C11orf65: variants seen among roughly 807,000 people sequenced by gnomAD.
C11orf65 encodes the protein protein MFI.
In C11orf65, 38 loss-of-function variants were observed where a neutral mutation model predicts 35.3. The observed-to-expected ratio is 1.08, with a 90% CI of 0.83 to 1.41. C11orf65 has a LOEUF of 1.41. Among genes scored for constraint, C11orf65 ranks in the 40% most tolerant of loss-of-function variants. The probability of loss-of-function intolerance (pLI) is 0.00; values close to 1 mark genes in which losing one functional copy is unlikely to be tolerated. For synonymous variants in C11orf65, 105 were observed against 114.4 expected, an observed-to-expected ratio of 0.92 and a Z score of 0.53; for missense variants, 370 against 367.1, an observed-to-expected ratio of 1.01 and a Z score of -0.06.
Position 108,325,352 on chromosome 11 carries a change from G to A in C11orf65, c.641-16281C>T, listed in dbSNP as rs1555119041. ...AACTCTCTGAAGTATATATTAAGTG[G>A]CAGAAACACTCCCAGCTTCTCAAGG... is the stretch of plus-strand genomic sequence containing the variant. On this transcript the variant is annotated intron_variant, in intron 6 of 6. Transcript: ENST00000525729. 6.2e-7 allele frequency: 1 copy of A among 1,612,050 alleles called. No homozygotes were observed. The highest frequency in any genetic ancestry group is 8.5e-7 in the Non-Finnish European group (1 of 1,179,528).
At chr11:108,416,316 GA>G (rs774416855) in intron 3 of C11orf65, among the ~76,000 whole-genome samples, 81 of 152,258 alleles carry the variant, frequency 5.3e-4, no homozygotes, top group Admixed American at 1.6e-3. Context: ...CACTAAAGAA[GA>G]TATACAGACG....
intron 2 of C11orf65, among the ~76,000 whole-genome samples, chr11:108,374,722 G>T (rs1019054628): frequency 6.6e-6 from 1 of 152,148 alleles, no homozygotes; most frequent in East Asian, 1.9e-4. Context: ...CAAAGGCAAA[G>T]AAGTTGAAAA....
downstream of C11orf65, among the ~76,000 whole-genome samples, chr11:108,381,536 C>T (rs539263872): frequency 6.6e-6 from 1 of 152,352 alleles, no homozygotes; most frequent in South Asian, 2.1e-4. Flanking sequence ...TGGATACCCA[C>T]AGTAATAACC....
At chr11:108,440,999 G>A (rs2093144625) in intron 2 of C11orf65, among the ~76,000 whole-genome samples, 1 of 152,172 alleles carries the variant, frequency 6.6e-6, no homozygotes, top group Non-Finnish European at 1.5e-5. Context: ...AGCCCAAGGA[G>A]CATGAGCCAA....
At chr11:108,364,929 C>G (rs928293023) in intron 2 of C11orf65, among the ~76,000 whole-genome samples, 1 of 152,204 alleles carries the variant, frequency 6.6e-6, no homozygotes, top group Non-Finnish European at 1.5e-5. Flanking sequence ...AGGATAGTTT[C>G]CTCAAGGAAA....
intron 6 of C11orf65, among the ~76,000 whole-genome samples, chr11:108,312,077 T>C (rs1386863348): frequency 6.6e-6 from 1 of 152,178 alleles, no homozygotes; most frequent in East Asian, 1.9e-4. Flanking sequence ...TAATTATTGA[T>C]TGGGTTGAAT....
At chr11:108,360,179 TA>T (rs2090547080) in intron 2 of C11orf65, among the ~76,000 whole-genome samples, 1 of 149,880 alleles carries the variant, frequency 6.7e-6, no homozygotes, top group African/African-American at 2.4e-5. Context: ...TCTACGCAAA[TA>T]AACTAGAAAA....
At chr11:108,468,157 T>TGG (rs2093558889), upstream of C11orf65, among the ~76,000 whole-genome samples, 1 of 152,178 alleles carries the variant, frequency 6.6e-6, no homozygotes, top group Non-Finnish European at 1.5e-5. Flanking sequence ...ATTTAATTAG[T>TGG]TTAATTTATT....
At chr11:108,448,347 G>A (rs561913298) in intron 2 of C11orf65, among the ~76,000 whole-genome samples, 100 of 152,152 alleles carry the variant, frequency 6.6e-4, no homozygotes, top group African/African-American at 2.3e-3. Flanking sequence ...AGAATTTTAG[G>A]CCAATATCCT....
chr11:108,399,737 A>T (rs892578340), intron 6 of C11orf65, among the ~76,000 whole-genome samples: 2 of 152,102 alleles, frequency 1.3e-5, no homozygotes, highest in African/African-American at 4.8e-5. Flanking sequence ...TTTTACACTA[A>T]AACAGTGCTA....
Position 108,312,458 on chromosome 11 carries a change from T to G in C11orf65, c.641-3387A>C, listed in dbSNP as rs1565493603. 6.3e-7 allele frequency: 1 copy of G among 1,596,670 alleles called. No individual in the cohort carries two copies. Among genetic ancestry groups the G allele is most frequent in the Non-Finnish European group, 8.6e-7 (1 of 1,164,486 alleles). On this transcript the variant is annotated intron_variant, in intron 6 of 6. Transcript: ENST00000525729. ...AGCCAGAGTACAACTATTTCTAGCT[T>G]GAGTGAAAAAAGTAAAGAAGAAACT...
chr11:108,405,632 A>T (rs1272002299), intron 5 of C11orf65, 73 bp from the exon 6 acceptor site: 5 of 1,445,204 alleles, frequency 3.5e-6, no homozygotes, highest in Non-Finnish European at 4.8e-6. Context: ...ATAGACAAGA[A>T]CTTCTATGTG....
intron 2 of C11orf65, chr11:108,353,929 A>G: frequency 6.5e-7 from 1 of 1,531,448 alleles, no homozygotes; most frequent in Non-Finnish European, 9.0e-7. Flanking sequence ...TGTCAAAATT[A>G]CATGGGCTGG....
intron 6 of C11orf65, among the ~76,000 whole-genome samples, chr11:108,395,910 C>A (rs556774805): frequency 2.0e-5 from 3 of 147,282 alleles, no homozygotes; most frequent in African/African-American, 5.0e-5. Context: ...TGTGAGCCAC[C>A]GCGCCCAGCC....
chr11:108,327,812 T>C (rs2085836680), downstream of C11orf65: 1 of 1,282,380 alleles, frequency 7.8e-7, no homozygotes, highest in African/African-American at 1.5e-5. Context: ...ATATGCTTCA[T>C]CTTTTCATCA....
At chr11:108,406,048 C>A (rs1380799501) in intron 5 of C11orf65, among the ~76,000 whole-genome samples, 1 of 152,142 alleles carries the variant, frequency 6.6e-6, no homozygotes, top group African/African-American at 2.4e-5. Flanking sequence ...CACACATACC[C>A]TAGATAATAA....
Position 108,343,371 on chromosome 11 carries a change from GGTGA to G in C11orf65, c.227-8083_227-8080del, listed in dbSNP as rs730881295. ...CCTTTCAGTGCCAAAAGAAAATGATGGTGAGTGACACCCAAAATTAAAGGTTATT... is the reference window on the plus strand; with the variant it reads ...CCTTTCAGTGCCAAAAGAAAATGATGGTGACACCCAAAATTAAAGGTTATT... On this transcript the variant is annotated intron_variant, in intron 2 of 3. Coordinates refer to the C11orf65 transcript ENST00000524755. 75 of 1,613,598 alleles carry G rather than the reference GGTGA, an allele frequency of 4.6e-5. No homozygotes were observed. Among genetic ancestry groups the G allele is most frequent in the Non-Finnish European group, 6.3e-5 (74 of 1,179,808 alleles).
intron 2 of C11orf65, among the ~76,000 whole-genome samples, chr11:108,359,938 A>G (rs11501004): frequency 0.057 from 8,664 of 152,102 alleles, 784 homozygotes; most frequent in African/African-American, 0.19. Flanking sequence ...GCAAGAAATA[A>G]CTAAAATCAG....
Position 108,405,552 on chromosome 11 carries a change from A to G in C11orf65, c.437T>C (p.Leu146Pro), listed in dbSNP as rs775525493. 6.2e-7 allele frequency: 1 copy of G among 1,612,282 alleles called. No individual in the cohort carries two copies. Among genetic ancestry groups the G allele is most frequent in the South Asian group, 1.1e-5 (1 of 90,340 alleles). ...GWRPVSDTFW[L>P]STDGMVVEDK... The stretch of plus-strand genomic sequence containing the variant: ...TTCCACCACCATACCATCAGTAGAT[A>G]GCCAAAACTATTGAGAAACAAAAAT... Residue 146 changes from leucine to proline, a missense_variant, in exon 6 of 9, where the codon CTA becomes CCA. Leu to Pro is a moderately conservative substitution (Grantham distance 98). Coordinates refer to ENST00000393084, the MANE Select transcript of C11orf65 (RefSeq NM_152587.5).
Sources: gnomAD v4.1 joint callset for allele counts (sites outside exome capture counted in the v4.1 genomes callset) on GRCh38, gnomAD v4.1.1 for gene constraint, MANE v1.5 for transcripts, NCBI Gene and HGNC (gene_info 2026-07-23, HGNC 2026-07-21) for gene names.